CAND2: variants seen among roughly 807,000 people sequenced by gnomAD.
The protein encoded by CAND2 is cullin-associated NEDD8-dissociated protein 2.
In CAND2, 62 loss-of-function variants were observed where a neutral mutation model predicts 98.9. The observed-to-expected ratio is 0.63, with a 90% CI of 0.51 to 0.77. The LOEUF (loss-of-function observed/expected upper bound fraction) is 0.77, where lower values mean the gene tolerates loss of function less well. CAND2 is among the 30% of genes least tolerant of loss of function. CAND2 has a pLI of 0.00. For missense variants in CAND2, 1,501 were observed against 1,655.2 expected, an observed-to-expected ratio of 0.91 and a Z score of 1.62; for synonymous variants, 770 against 731.9, an observed-to-expected ratio of 1.05 and a Z score of -0.84.
rs1359225186 is a variant in CAND2, at chr3:12,803,512, G to A, written c.93G>A (p.Met31Ile). Reference protein sequence around the residue: ...DFRFMATSDLMSELQKDSIQL... With the variant: ...DFRFMATSDLISELQKDSIQL... Reference sequence around the variant, plus strand: ...GGTTCATGGCCACCAGCGACCTGATGTCGGAGTTGCAGAAGGACTCCATCC... The same window carrying A: ...GGTTCATGGCCACCAGCGACCTGATATCGGAGTTGCAGAAGGACTCCATCC... The change falls in exon 2 of 15, where the codon ATG (methionine) becomes ATA (isoleucine). Residue 31 changes from methionine (M) to isoleucine (I), a missense_variant. Transcript: ENST00000456430. The A allele has an allele frequency of 1.9e-6, 3 of 1,612,722 alleles. No homozygotes were observed. The highest frequency in any genetic ancestry group is 1.1e-5 in the South Asian group (1 of 90,924).
chr3:12,818,691 GTGTT>G (rs1161334284), intron 10 of CAND2, among the ~76,000 whole-genome samples: 7 of 152,376 alleles, frequency 4.6e-5, no homozygotes, highest in Middle Eastern at 3.4e-3. Flanking sequence ...TGCAGGTACA[GTGTT>G]TGGTAACCTA....
Position 12,817,727 on chromosome 3 carries a change from C to A in CAND2, c.2795C>A (p.Pro932His). 6.3e-7 allele frequency: 1 copy of A among 1,589,276 alleles called. No homozygotes were observed. Among genetic ancestry groups the A allele is most frequent in the Non-Finnish European group, 8.6e-7 (1 of 1,167,740 alleles). The change falls in exon 10 of 15, where the codon CCC (proline) becomes CAC (histidine). Residue 932 changes from proline to histidine, a missense_variant. Physicochemically the swap from Pro to His is moderately conservative, Grantham distance 77 (BLOSUM62 -2). This residue lies in a region of CAND2 where 1,427 missense variants were observed against 1,545.3 expected (regional missense o/e 0.92). Coordinates refer to ENST00000456430, the MANE Select transcript of CAND2 (RefSeq NM_001162499.2). ...LGAAQPDSLKPYAEDIWALLF... is the reference protein window; with the variant it reads ...LGAAQPDSLKHYAEDIWALLF... ...GCCGCCCAGCCTGACAGCCTGAAGC[C>A]CTACGCCGAGGACATCTGGGCCTTG...
intron 1 of CAND2, among the ~76,000 whole-genome samples, chr3:12,796,992 G>A (rs928745897): frequency 2.0e-5 from 3 of 151,486 alleles, no homozygotes; most frequent in East Asian, 3.9e-4. Flanking sequence ...TCCCCTAGGG[G>A]CCGTCCTGCC....
chr3:12,818,751 T>C (rs1425180167), intron 10 of CAND2, among the ~76,000 whole-genome samples: 2 of 152,202 alleles, frequency 1.3e-5, no homozygotes, highest in South Asian at 2.1e-4. Flanking sequence ...AGAGCTGCTG[T>C]TGTTACTAGG....
At chr3:12,799,953 A>G (rs1229371930) in intron 1 of CAND2, among the ~76,000 whole-genome samples, 1 of 152,200 alleles carries the variant, frequency 6.6e-6, no homozygotes, top group African/African-American at 2.4e-5. Context: ...GCGGGGATAG[A>G]AGGCCTATCT....
rs769649141 is a variant in CAND2 at position 12,820,188 on chromosome 3, A to G, written c.3040+7A>G. The G allele has an allele frequency of 3.0e-5, 48 of 1,608,512 alleles. No homozygotes were observed. The highest frequency in any genetic ancestry group is 1.6e-4 in the Middle Eastern group (1 of 6,064). On this transcript the variant is annotated splice_region_variant and intron_variant, in intron 11 of 14. Coordinates refer to ENST00000456430, the MANE Select transcript of CAND2 (RefSeq NM_001162499.2). ...CTCCTGAAGAGCTTCATCGGTGAGCACCTACCTCTTGCCCCTCCACCTTGT... is the reference window on the plus strand; with the variant it reads ...CTCCTGAAGAGCTTCATCGGTGAGCGCCTACCTCTTGCCCCTCCACCTTGT...
In CAND2 at chr3:12,831,451, C is replaced by T; in HGVS notation, c.3376-14C>T. The T allele has an allele frequency of 1.1e-5, 18 of 1,609,838 alleles. No homozygotes were observed. In the South Asian group the frequency reaches 2.0e-4, roughly 18 times the overall value. On this transcript the variant is annotated splice_polypyrimidine_tract_variant and intron_variant, in intron 13 of 14. Coordinates refer to ENST00000456430, the MANE Select transcript of CAND2 (RefSeq NM_001162499.2). ...GCACCATTTCACTAAGAACCATCTC[C>T]TTCCTCTGGGCAGATGCTGACCTTC...
rs751663794 is a variant in CAND2, at chr3:12,820,133, A to G, written c.2992A>G (p.Ile998Val). Residue 998 changes from isoleucine (I) to valine (V), a missense_variant, in exon 11 of 15, where the codon ATC becomes GTC. By Grantham distance (29) the Ile-to-Val change is conservative (BLOSUM62 3). This residue lies in a region of CAND2 where 1,427 missense variants were observed against 1,545.3 expected (regional missense o/e 0.92). Transcript: ENST00000456430. ...STVITAVKFL[I>V]SDQPHPIDPL... ...CGTCATCACAGCGGTCAAGTTCCTT[A>G]TCTCGGACCAGCCCCATCCCATTGA... 3.7e-6 allele frequency: 6 copies of G among 1,613,978 alleles called. No homozygotes were observed. Among genetic ancestry groups the G allele is most frequent in the African/African-American group, 1.3e-5 (1 of 74,888 alleles).
At chr3:12,800,553 A>G (rs999160592) in intron 1 of CAND2, among the ~76,000 whole-genome samples, 1 of 152,114 alleles carries the variant, frequency 6.6e-6, no homozygotes, top group Non-Finnish European at 1.5e-5. Flanking sequence ...CCGCTCTCAC[A>G]TGCCTGCAGG....
Position 12,796,715 on chromosome 3 carries a change from G to A in CAND2, c.-6G>A. On this transcript the variant is annotated 5_prime_UTR_variant, in exon 1 of 15. Transcript: ENST00000456430. ...CCGCCGGCCGGCTCCGCGGCGCGCA[G>A]CCACCATGAGCACCGCCGCCTTCCA... The A allele has an allele frequency of 6.3e-7, 1 of 1,575,050 alleles. No individual in the cohort carries two copies. The highest frequency in any genetic ancestry group is 1.2e-5 in the South Asian group (1 of 86,088).
At chr3:12,822,194 GCTT>G (rs1179967631) in intron 11 of CAND2, among the ~76,000 whole-genome samples, 1 of 151,794 alleles carries the variant, frequency 6.6e-6, no homozygotes, top group East Asian at 1.9e-4. Context: ...GAGACTCATG[GCTT>G]CTTCCCACTT....
chr3:12,820,047 C>T (rs748582840), intron 10 of CAND2, 39 bp from the exon 11 acceptor site: 3 of 1,543,684 alleles, frequency 1.9e-6, no homozygotes, highest in Non-Finnish European at 2.7e-6. Flanking sequence ...CCAGGATTGG[C>T]CCCTGCCCCT....
intron 12 of CAND2, among the ~76,000 whole-genome samples, chr3:12,826,647 CA>C (rs1202484970): frequency 6.6e-6 from 1 of 152,000 alleles, no homozygotes; most frequent in Non-Finnish European, 1.5e-5. Flanking sequence ...CCAGACGTCT[CA>C]AATTCCTCCT....
At chr3:12,806,182 A>C (rs2061804615) in intron 2 of CAND2, among the ~76,000 whole-genome samples, 1 of 152,206 alleles carries the variant, frequency 6.6e-6, no homozygotes, top group Non-Finnish European at 1.5e-5. Context: ...TTAGCCAAGC[A>C]TGGTGGCTTG....
intron 5 of CAND2, among the ~76,000 whole-genome samples, chr3:12,812,490 C>T (rs1484808568): frequency 3.4e-5 from 5 of 148,502 alleles, no homozygotes; most frequent in Admixed American, 1.3e-4. Flanking sequence ...CTGCAAGCTC[C>T]GCTTCCCGGG....
At chr3:12,804,915 G>T (rs2061795160) in intron 2 of CAND2, among the ~76,000 whole-genome samples, 1 of 152,176 alleles carries the variant, frequency 6.6e-6, no homozygotes, top group Admixed American at 6.5e-5. Flanking sequence ...TTTATGAGCT[G>T]GGAATGTCTT....
chr3:12,814,564 C>G (rs2061881061), intron 7 of CAND2, among the ~76,000 whole-genome samples: 1 of 152,146 alleles, frequency 6.6e-6, no homozygotes, highest in Admixed American at 6.5e-5. Flanking sequence ...TGCCTGGAAG[C>G]CTTTGGAATC....
At chr3:12,816,338 G>C (rs749663590) in intron 9 of CAND2, 36 bp from the exon 10 acceptor site, 1 of 1,569,460 alleles carries the variant, frequency 6.4e-7, no homozygotes, top group Admixed American at 1.8e-5. Flanking sequence ...TTGCATCAGA[G>C]GCGGTGGCCT....
At position 12,807,457 on chromosome 3, in the gene CAND2, A is replaced by G. The variant is rs1339220618; in HGVS notation, c.364A>G (p.Thr122Ala). 4.5e-6 allele frequency: 7 copies of G among 1,551,352 alleles called. No homozygotes were observed. The African/African-American group carries it at 8.2e-5, about 18-fold the overall frequency. The change falls in exon 3 of 15, where the codon ACA (threonine) becomes GCA (alanine). Residue 122 changes from threonine (T) to alanine (A), a missense_variant. Thr to Ala is a moderately conservative substitution (Grantham distance 58). Coordinates refer to ENST00000456430, the MANE Select transcript of CAND2 (RefSeq NM_001162499.2). Reference protein sequence around the residue: ...TVLSELPPAATGSGLATNVCR... With the variant: ...TVLSELPPAAAGSGLATNVCR... ...CCTCTCGGAGCTCCCTCCTGCAGCC[A>G]CAGGTACCCAGGTCCCCAGGACTAG...
Sources: gnomAD v4.1 joint callset for allele counts (sites outside exome capture counted in the v4.1 genomes callset) on GRCh38, gnomAD v4.1.1 for gene constraint, gnomAD v4.1.1 regional missense constraint, MANE v1.5 for transcripts, NCBI Gene and HGNC (gene_info 2026-07-23, HGNC 2026-07-21) for gene names.